CPNE8: variants seen among roughly 807,000 people sequenced by gnomAD.
CPNE8 encodes copine-8.
CPNE8 carries 45 observed loss-of-function variants against 81.5 expected under a neutral mutation model. That is an observed-to-expected ratio of 0.55 (90% CI 0.44 to 0.71). CPNE8 has a LOEUF of 0.71. Ranked by LOEUF, CPNE8 falls within the 30% of genes least tolerant of loss-of-function variation. CPNE8 has a pLI of 0.00. For synonymous variants in CPNE8, 252 were observed against 226.3 expected (o/e 1.11, Z -1.02); for missense variants, 594 against 672.1 (o/e 0.88, Z 1.28).
intron 1 of CPNE8, among the ~76,000 whole-genome samples, chr12:38,895,680 A>C (rs1382801394): frequency 6.6e-6 from 1 of 152,094 alleles, no homozygotes; most frequent in Admixed American, 6.6e-5. Flanking sequence ...TTGCATCCTC[A>C]GAGAAATATA....
chr12:38,824,495 C>T (rs1430937920), intron 6 of CPNE8, among the ~76,000 whole-genome samples: 2 of 151,156 alleles, frequency 1.3e-5, no homozygotes, highest in Admixed American at 6.6e-5. Context: ...ACAACACAAT[C>T]GCAATTAAAA....
intron 9 of CPNE8, among the ~76,000 whole-genome samples, chr12:38,761,372 G>A (rs1040513960): frequency 2.0e-5 from 3 of 152,110 alleles, no homozygotes; most frequent in African/African-American, 7.2e-5. Context: ...TGCTAATCAG[G>A]AAGAACATTA....
At chr12:38,699,596 C>T (rs76902218) in intron 14 of CPNE8, among the ~76,000 whole-genome samples, 1 of 151,676 alleles carries the variant, frequency 6.6e-6, no homozygotes, top group East Asian at 1.9e-4. Context: ...CTTCCTTTCC[C>T]TCATTCTTAC....
At position 38,695,176 on chromosome 12, in the gene CPNE8, A is replaced by C. The variant is rs1247226338; in HGVS notation, c.962-1338T>G. Among the ~76,000 whole-genome samples, 16 of 152,320 alleles carry C rather than the reference A, an allele frequency of 1.1e-4. No homozygotes were observed. The East Asian group carries it at 2.3e-3, about 22-fold the overall frequency. ...ACAGCTCTCACTTTAGAAAACTTGCAATTGTAAATTCTTCCTCTGCACCTT... is the reference window on the plus strand; with the variant it reads ...ACAGCTCTCACTTTAGAAAACTTGCCATTGTAAATTCTTCCTCTGCACCTT... On this transcript the variant is annotated intron_variant, in intron 14 of 19. Coordinates refer to ENST00000331366, the MANE Select transcript of CPNE8 (RefSeq NM_153634.3).
chr12:38,672,167 AC>A (rs1327832220), intron 18 of CPNE8, among the ~76,000 whole-genome samples: 1 of 152,192 alleles, frequency 6.6e-6, no homozygotes, highest in African/African-American at 2.4e-5. Flanking sequence ...TACAACAATT[AC>A]CCTATACACA....
chr12:38,802,616 A>G (rs1284543032), intron 6 of CPNE8, among the ~76,000 whole-genome samples: 5 of 150,112 alleles, frequency 3.3e-5, no homozygotes, highest in Non-Finnish European at 7.4e-5. Context: ...AGCAAGAGCA[A>G]ACACATTCAA....
chr12:38,711,408 C>T (rs11169222), intron 13 of CPNE8, among the ~76,000 whole-genome samples: 50,300 of 151,368 alleles, frequency 0.33, 9,995 homozygotes, highest in Non-Finnish European at 0.45. Context: ...AACAAACTGG[C>T]AATGAAATCA....
intron 7 of CPNE8, among the ~76,000 whole-genome samples, chr12:38,770,185 C>T (rs750720373): frequency 2.0e-5 from 3 of 152,184 alleles, no homozygotes; most frequent in Non-Finnish European, 2.9e-5. Context: ...GCACTTCTAA[C>T]ATATTCCAAT....
intron 1 of CPNE8, among the ~76,000 whole-genome samples, chr12:38,902,071 C>T (rs1206539153): frequency 6.6e-6 from 1 of 151,336 alleles, no homozygotes; most frequent in Non-Finnish European, 1.5e-5. Context: ...TTATCTTTTT[C>T]ACCTTCCCCA....
At chr12:38,900,437 A>G (rs1000772298) in intron 1 of CPNE8, among the ~76,000 whole-genome samples, 1 of 152,194 alleles carries the variant, frequency 6.6e-6, no homozygotes, top group African/African-American at 2.4e-5. Flanking sequence ...TACTAACTAC[A>G]TATTCTGTGC....
intron 3 of CPNE8, among the ~76,000 whole-genome samples, chr12:38,859,390 G>C (rs146346489): frequency 5.3e-5 from 8 of 151,758 alleles, no homozygotes; most frequent in African/African-American, 1.9e-4. Context: ...TAACTAAGAA[G>C]GTAAAAGACA....
At chr12:38,665,227 T>C (rs1366050203) in intron 19 of CPNE8, among the ~76,000 whole-genome samples, 1 of 152,210 alleles carries the variant, frequency 6.6e-6, no homozygotes, top group Non-Finnish European at 1.5e-5. Flanking sequence ...CTGATCCCTG[T>C]ACCTGAGAAA....
At chr12:38,799,949 C>T (rs1005890916) in intron 6 of CPNE8, among the ~76,000 whole-genome samples, 48 of 150,960 alleles carry the variant, frequency 3.2e-4, no homozygotes, top group Admixed American at 2.1e-3. Flanking sequence ...CTTTTCAGAC[C>T]GGCTTAAGAA....
At chr12:38,739,548 G>C (rs993472404) in intron 10 of CPNE8, among the ~76,000 whole-genome samples, 4 of 152,084 alleles carry the variant, frequency 2.6e-5, no homozygotes, top group African/African-American at 9.7e-5. Flanking sequence ...GAATATCCTT[G>C]CCGTCCTGCA....
At chr12:38,655,776 A>T (rs2136628815) in intron 19 of CPNE8, among the ~76,000 whole-genome samples, 1 of 152,234 alleles carries the variant, frequency 6.6e-6, no homozygotes, top group South Asian at 2.1e-4. Context: ...CTTTTAAAAG[A>T]AGAGAAGAAA....
chr12:38,655,439 T>C (rs1054251894), intron 19 of CPNE8, among the ~76,000 whole-genome samples: 2 of 152,160 alleles, frequency 1.3e-5, no homozygotes, highest in African/African-American at 4.8e-5. Context: ...CACAGTAATT[T>C]TTGGTCTTCA....
At chr12:38,685,769 A>G in intron 15 of CPNE8, 152 bp from the exon 16 acceptor site, 1 of 613,532 alleles carries the variant, frequency 1.6e-6, no homozygotes, top group Non-Finnish European at 2.7e-6. Context: ...AAAAAATAAT[A>G]CATTAAGTAA....
At chr12:38,659,657 C>A (rs1051422281) in intron 19 of CPNE8, among the ~76,000 whole-genome samples, 2 of 152,176 alleles carry the variant, frequency 1.3e-5, no homozygotes, top group African/African-American at 4.8e-5. Context: ...GTAAAGCGCT[C>A]CTCAGCAAAT....
At chr12:38,729,822 G>T (rs826875) in intron 11 of CPNE8, among the ~76,000 whole-genome samples, 149,450 of 152,114 alleles carry the variant, frequency 0.98, 73,461 homozygotes, top group Middle Eastern at 1. Flanking sequence ...CTTTAACAAC[G>T]TGGATTTCTT....
Sources: allele counts gnomAD v4.1 joint callset (sites outside exome capture counted in the v4.1 genomes callset), GRCh38; gene constraint gnomAD v4.1.1; transcripts MANE v1.5; gene names NCBI Gene and HGNC (gene_info 2026-07-23, HGNC 2026-07-21).